Variants in DCBLD2 observed in about 807,000 individuals in gnomAD.
DCBLD2 encodes discoidin, CUB and LCCL domain containing 2.
In DCBLD2, 54 loss-of-function variants were observed where a neutral mutation model predicts 86.8. That is an observed-to-expected ratio of 0.62 (90% CI 0.50 to 0.78). The LOEUF (loss-of-function observed/expected upper bound fraction) is 0.78. Ranked by LOEUF, DCBLD2 falls within the 30% of genes least tolerant of loss-of-function variation. The pLI is 0.00. For missense variants in DCBLD2, 908 were observed against 954.2 expected, an observed-to-expected ratio of 0.95 and a Z score of 0.64; for synonymous variants, 354 against 341.3, an observed-to-expected ratio of 1.04 and a Z score of -0.41.
intron 2 of DCBLD2, among the ~76,000 whole-genome samples, chr3:98,864,946 C>T (rs2107504099): frequency 6.6e-6 from 1 of 152,146 alleles, no homozygotes; most frequent in African/African-American, 2.4e-5. Flanking sequence ...AGAATGGCTA[C>T]TATCAAAAAG....
intron 3 of DCBLD2, among the ~76,000 whole-genome samples, chr3:98,831,336 C>A (rs1013615702): frequency 6.6e-6 from 1 of 152,138 alleles, no homozygotes; most frequent in Middle Eastern, 3.4e-3. Context: ...CAGGCATGAG[C>A]TACCGCTCTT....
At chr3:98,824,852 G>C (rs1227226527) in intron 4 of DCBLD2, among the ~76,000 whole-genome samples, 1 of 152,122 alleles carries the variant, frequency 6.6e-6, no homozygotes, top group Non-Finnish European at 1.5e-5. Context: ...CAGTGTGAAT[G>C]GCAGCCAGCA....
chr3:98,872,374 C>G lies in DCBLD2; in HGVS notation c.433+9166G>C, dbSNP rs13085453. ...AGCAAGTCAGCCTCCTCGGTCCCCT[C>G]TCTCTCTGCACAAGCCCCTTTCCCT... is the stretch of plus-strand genomic sequence containing the variant. On this transcript the variant is annotated intron_variant, in intron 2 of 15. Transcript: ENST00000326840. Among the ~76,000 whole-genome samples the G allele has an allele frequency of 4.9e-3, 742 of 152,288 alleles. 7 individuals carry two copies. The highest frequency in any genetic ancestry group is 0.017 in the African/African-American group (700 of 41,566).
intron 3 of DCBLD2, among the ~76,000 whole-genome samples, chr3:98,838,134 G>A (rs1206796473): frequency 7.1e-5 from 9 of 126,616 alleles, no homozygotes; most frequent in African/African-American, 2.4e-4. Context: ...GCGGCTGGTC[G>A]GGCGGGGGGC....
intron 6 of DCBLD2, among the ~76,000 whole-genome samples, chr3:98,821,633 C>G (rs1249638707): frequency 6.6e-6 from 1 of 151,842 alleles, no homozygotes; most frequent in East Asian, 1.9e-4. Flanking sequence ...CTTCTAGACT[C>G]TTATGTAGAC....
intron 2 of DCBLD2, among the ~76,000 whole-genome samples, chr3:98,860,820 C>T (rs1404096247): frequency 6.6e-6 from 1 of 152,118 alleles, no homozygotes; most frequent in Admixed American, 6.6e-5. Flanking sequence ...CATCAACTAA[C>T]AAGCAAAATA....
chr3:98,812,272 C>T lies in DCBLD2; in HGVS notation c.1363+60G>A, dbSNP rs553732271. On this transcript the variant is annotated intron_variant, in intron 10 of 15. Transcript: ENST00000326840. ...TATTAATTACTCTCTCTGAGAACAG[C>T]AAAACCATTTTAAATTGGCAATCCA... 75 of 1,596,916 alleles carry T rather than the reference C, an allele frequency of 4.7e-5. 1 individual carries two copies. The Admixed American group carries it at 7.5e-4, about 16-fold the overall frequency.
intron 2 of DCBLD2, among the ~76,000 whole-genome samples, chr3:98,866,484 G>A (rs528647177): frequency 6.6e-6 from 1 of 152,276 alleles, no homozygotes; most frequent in South Asian, 2.1e-4. Context: ...TTTTTCATGT[G>A]TCTTTTGGCT....
At chr3:98,832,645 C>T (rs1008341536) in intron 3 of DCBLD2, among the ~76,000 whole-genome samples, 2 of 152,118 alleles carry the variant, frequency 1.3e-5, no homozygotes, top group African/African-American at 2.4e-5. Context: ...GTAATGAACT[C>T]GCTTAGCATT....
intron 2 of DCBLD2, among the ~76,000 whole-genome samples, chr3:98,859,886 C>A (rs529060406): frequency 1.3e-5 from 2 of 152,198 alleles, no homozygotes; most frequent in African/African-American, 2.4e-5. Flanking sequence ...ATGACTTTGA[C>A]GAGTTGAGAG....
chr3:98,835,549 T>C (rs1310967971), intron 3 of DCBLD2, among the ~76,000 whole-genome samples: 4 of 151,262 alleles, frequency 2.6e-5, no homozygotes, highest in African/African-American at 7.3e-5. Flanking sequence ...TATTTTTTTT[T>C]CTTCTTTTTT....
intron 3 of DCBLD2, among the ~76,000 whole-genome samples, chr3:98,841,259 T>G (rs1942615142): frequency 6.6e-6 from 1 of 152,162 alleles, no homozygotes; most frequent in Non-Finnish European, 1.5e-5. Context: ...AATAACAGCC[T>G]GAGGAACGTC....
At chr3:98,824,002 G>GATC (rs1942170374) in intron 4 of DCBLD2, among the ~76,000 whole-genome samples, 1 of 152,174 alleles carries the variant, frequency 6.6e-6, no homozygotes, top group Non-Finnish European at 1.5e-5. Flanking sequence ...ATTAGTCAGA[G>GATC]GGATGAGCAC....
intron 3 of DCBLD2, among the ~76,000 whole-genome samples, chr3:98,833,620 T>C (rs1387238614): frequency 1.3e-5 from 2 of 152,116 alleles, no homozygotes; most frequent in East Asian, 3.9e-4. Flanking sequence ...GGGGGTACAG[T>C]GGTTGTGCTG....
chr3:98,866,300 G>A (rs1222910062), intron 2 of DCBLD2, among the ~76,000 whole-genome samples: 10 of 152,260 alleles, frequency 6.6e-5, no homozygotes, highest in Middle Eastern at 3.4e-3. Flanking sequence ...CTTCCACAAT[G>A]GTTGAACTAG....
At chr3:98,839,993 T>C (rs754967975) in intron 3 of DCBLD2, among the ~76,000 whole-genome samples, 19 of 152,194 alleles carry the variant, frequency 1.2e-4, no homozygotes, top group Admixed American at 2.6e-4. Context: ...TTAGGAAATG[T>C]GCTCAGCATG....
At chr3:98,889,078 A>AT (rs1304465096) in intron 1 of DCBLD2, among the ~76,000 whole-genome samples, 6 of 151,906 alleles carry the variant, frequency 3.9e-5, no homozygotes, top group Admixed American at 2.0e-4. Context: ...CGTCCAATAC[A>AT]TTAACTACAC....
At chr3:98,896,597 AG>A (rs1293552639) in intron 1 of DCBLD2, among the ~76,000 whole-genome samples, 1 of 152,248 alleles carries the variant, frequency 6.6e-6, no homozygotes, top group Non-Finnish European at 1.5e-5. Context: ...AATATGTAAT[AG>A]AAAGGAAAGT....
At chr3:98,891,154 ATGTGTG>A (rs141128696) in intron 1 of DCBLD2, among the ~76,000 whole-genome samples, 1 of 146,104 alleles carries the variant, frequency 6.8e-6, no homozygotes, top group African/African-American at 2.5e-5. Context: ...GAGTGTGAGA[ATGTGTG>A]TGTGTGTGTG....
Sources: gnomAD v4.1 joint callset for allele counts (sites outside exome capture counted in the v4.1 genomes callset) on GRCh38, gnomAD v4.1.1 for gene constraint, MANE v1.5 for transcripts, NCBI Gene and HGNC (gene_info 2026-07-23, HGNC 2026-07-21) for gene names.